NELL1: variants seen among roughly 807,000 people sequenced by gnomAD.
NELL1 encodes the protein protein kinase C-binding protein NELL1.
In NELL1, 76 loss-of-function variants were observed where a neutral mutation model predicts 107.4. The ratio of observed to expected loss-of-function variants is 0.71; its 90% CI spans 0.59 to 0.86. The LOEUF (loss-of-function observed/expected upper bound fraction) is 0.86, where lower values mean the gene tolerates loss of function less well. NELL1 is among the 40% of genes least tolerant of loss of function. The pLI, the probability that NELL1 is intolerant of heterozygous loss-of-function variation, is 0.00. For missense variants in NELL1, 1,024 were observed against 1,005.5 expected (o/e 1.02, Z -0.25); for synonymous variants, 353 against 341.2 (o/e 1.03, Z -0.38).
In NELL1 at chr11:21,310,451, C is replaced by T. The variant is rs376451497; in HGVS notation, c.1550-60402C>T. Among the ~76,000 whole-genome samples the T allele has an allele frequency of 2.5e-3, 380 of 152,120 alleles. 13 individuals carry two copies. In the South Asian group the frequency reaches 0.067, roughly 27 times the overall value. Reference sequence around the variant, plus strand: ...TGTAAAGCAAAAACAAACATGGTTTCGGTCCTCCTAATATTGGTAATCTAG... The same window carrying T: ...TGTAAAGCAAAAACAAACATGGTTTTGGTCCTCCTAATATTGGTAATCTAG... On this transcript the variant is annotated intron_variant, in intron 14 of 19. Transcript: ENST00000357134.
At chr11:21,438,828 G>A (rs1853202526) in intron 15 of NELL1, among the ~76,000 whole-genome samples, 1 of 151,770 alleles carries the variant, frequency 6.6e-6, no homozygotes, top group Non-Finnish European at 1.5e-5. Context: ...AATTTTGTGT[G>A]AGGAAGTTAT....
chr11:21,163,150 T>C (rs1425905958), intron 13 of NELL1, among the ~76,000 whole-genome samples: 2 of 152,104 alleles, frequency 1.3e-5, no homozygotes, highest in African/African-American at 4.8e-5. Flanking sequence ...TGGGGAATGT[T>C]AGGGTAATTT....
chr11:20,873,955 G>C (rs746581083), intron 4 of NELL1, among the ~76,000 whole-genome samples: 1 of 151,988 alleles, frequency 6.6e-6, no homozygotes, highest in Admixed American at 6.5e-5. Flanking sequence ...GTAGAGATGT[G>C]GGTCTTCCTA....
At chr11:21,283,008 A>G (rs544578239) in intron 14 of NELL1, among the ~76,000 whole-genome samples, 7 of 151,944 alleles carry the variant, frequency 4.6e-5, no homozygotes, top group African/African-American at 1.7e-4. Flanking sequence ...AAAGTAAAGG[A>G]TAGTGAAAGA....
chr11:21,086,420 A>G lies in NELL1; in HGVS notation c.1301-27169A>G, dbSNP rs139193119. Reference sequence around the variant, plus strand: ...CTAGTATTTTCATTTACTAAATATTATCTTTACGTGTGGGGTAGGTAGCAT... The same window carrying G: ...CTAGTATTTTCATTTACTAAATATTGTCTTTACGTGTGGGGTAGGTAGCAT... On this transcript the variant is annotated intron_variant, in intron 12 of 19. Coordinates refer to ENST00000357134, the MANE Select transcript of NELL1 (RefSeq NM_006157.5). Among the ~76,000 whole-genome samples the G allele has an allele frequency of 3.9e-3, 590 of 152,314 alleles. 4 individuals carry two copies. Among genetic ancestry groups the G allele is most frequent in the African/African-American group, 0.013 (545 of 41,574 alleles).
At chr11:21,172,540 T>C (rs1187445968) in intron 13 of NELL1, among the ~76,000 whole-genome samples, 2 of 151,822 alleles carry the variant, frequency 1.3e-5, no homozygotes, top group Non-Finnish European at 2.9e-5. Context: ...TTATTCCAGG[T>C]ATTATCCCCA....
At chr11:21,407,934 C>T (rs941243517) in intron 15 of NELL1, among the ~76,000 whole-genome samples, 3 of 151,888 alleles carry the variant, frequency 2.0e-5, no homozygotes, top group Admixed American at 6.6e-5. Context: ...CCTGATTCTT[C>T]CAGCTGAATG....
At chr11:21,253,621 T>A (rs1463327) in intron 14 of NELL1, among the ~76,000 whole-genome samples, 1 of 151,940 alleles carries the variant, frequency 6.6e-6, no homozygotes, top group Non-Finnish European at 1.5e-5. Context: ...TTAATCCAAC[T>A]TGTGATACTT....
chr11:21,542,004 G>A (rs1856303629), intron 16 of NELL1, among the ~76,000 whole-genome samples: 1 of 152,040 alleles, frequency 6.6e-6, no homozygotes, highest in South Asian at 2.1e-4. Flanking sequence ...TGGAGTAATC[G>A]TGACAATTAA....
chr11:21,500,711 G>A (rs982456499), intron 15 of NELL1, among the ~76,000 whole-genome samples: 4 of 152,048 alleles, frequency 2.6e-5, no homozygotes, highest in Non-Finnish European at 4.4e-5. Flanking sequence ...TAGTGTTGAT[G>A]GAAAGTGTAG....
intron 14 of NELL1, among the ~76,000 whole-genome samples, chr11:21,251,661 C>G (rs4922789): frequency 0.027 from 4,087 of 151,934 alleles, 75 homozygotes; most frequent in Admixed American, 0.054. Flanking sequence ...GAAGTTACCA[C>G]CAGGCAGTGC....
chr11:21,401,262 A>G (rs767082308), intron 15 of NELL1, among the ~76,000 whole-genome samples: 3 of 151,872 alleles, frequency 2.0e-5, no homozygotes, highest in Admixed American at 6.6e-5. Context: ...GAAGAAAAAT[A>G]TATATCTTGG....
intron 15 of NELL1, among the ~76,000 whole-genome samples, chr11:21,512,668 A>G (rs138057642): frequency 4.9e-4 from 75 of 152,262 alleles, no homozygotes; most frequent in Middle Eastern, 3.4e-3. Context: ...AATAGTCACA[A>G]ATAGTCTACA....
intron 15 of NELL1, among the ~76,000 whole-genome samples, chr11:21,441,668 AT>A (rs927541792): frequency 4.6e-5 from 7 of 152,234 alleles, no homozygotes; most frequent in African/African-American, 1.7e-4. Flanking sequence ...ATTGAAAAAA[AT>A]GTATGTTGAG....
At chr11:21,203,922 A>G (rs1310757652) in intron 13 of NELL1, among the ~76,000 whole-genome samples, 2 of 152,182 alleles carry the variant, frequency 1.3e-5, no homozygotes, top group Non-Finnish European at 2.9e-5. Flanking sequence ...TTCTCTAAGA[A>G]TGTTGAATAT....
At chr11:20,696,400 G>A (rs934057078) in intron 2 of NELL1, among the ~76,000 whole-genome samples, 1 of 152,054 alleles carries the variant, frequency 6.6e-6, no homozygotes, top group Non-Finnish European at 1.5e-5. Flanking sequence ...TGGGTGTGAT[G>A]TTAGATCATT....
intron 12 of NELL1, among the ~76,000 whole-genome samples, chr11:21,065,011 T>C (rs1251190170): frequency 6.6e-6 from 1 of 152,238 alleles, no homozygotes; most frequent in African/African-American, 2.4e-5. Context: ...AGTTTAATGA[T>C]ACAGTGGTAC....
intron 13 of NELL1, among the ~76,000 whole-genome samples, chr11:21,182,996 A>C (rs1192716548): frequency 6.6e-6 from 1 of 151,886 alleles, no homozygotes; most frequent in Non-Finnish European, 1.5e-5. Flanking sequence ...GAAGCTTTGC[A>C]GTTCTCCTCT....
At chr11:21,180,176 T>C (rs968798093) in intron 13 of NELL1, among the ~76,000 whole-genome samples, 5 of 151,754 alleles carry the variant, frequency 3.3e-5, no homozygotes, top group Admixed American at 3.3e-4. Flanking sequence ...GTCATTTTGC[T>C]GTTCTTATAT....
Sources: allele counts gnomAD v4.1 joint callset (sites outside exome capture counted in the v4.1 genomes callset), GRCh38; gene constraint gnomAD v4.1.1; transcripts MANE v1.5; gene names NCBI Gene and HGNC (gene_info 2026-07-23, HGNC 2026-07-21).